MBNL1: variants seen among roughly 807,000 people sequenced by gnomAD.
MBNL1 encodes muscleblind-like protein 1.
MBNL1 carries 8 observed loss-of-function variants against 42.2 expected under a neutral mutation model. The ratio of observed to expected loss-of-function variants is 0.19; its 90% CI spans 0.11 to 0.34. MBNL1 has a LOEUF of 0.34. MBNL1 is among the 10% of genes least tolerant of loss of function. MBNL1 has a pLI of 1.00. For synonymous variants in MBNL1, 169 were observed against 173.9 expected (o/e 0.97, Z 0.22); for missense variants, 309 against 495.3 (o/e 0.62, Z 3.57).
intron 2 of MBNL1, among the ~76,000 whole-genome samples, chr3:152,391,637 G>C (rs2097720262): frequency 6.6e-6 from 1 of 152,158 alleles, no homozygotes; most frequent in Non-Finnish European, 1.5e-5. Context: ...TCTGCATTTA[G>C]CTCCTGCCTG....
chr3:152,428,706 T>C (rs1303440027), intron 3 of MBNL1, among the ~76,000 whole-genome samples: 1 of 151,968 alleles, frequency 6.6e-6, no homozygotes, highest in Non-Finnish European at 1.5e-5. Flanking sequence ...ATACTGCCAC[T>C]TACCAGAGAT....
chr3:152,303,470 A>G (rs1478951378), intron 2 of MBNL1, among the ~76,000 whole-genome samples: 3 of 152,202 alleles, frequency 2.0e-5, no homozygotes, highest in Non-Finnish European at 1.5e-5. Context: ...TATTTCAGAA[A>G]TCCAGAACAT....
intron 2 of MBNL1, among the ~76,000 whole-genome samples, chr3:152,358,129 A>G (rs1431582929): frequency 1.3e-5 from 2 of 152,234 alleles, no homozygotes; most frequent in Admixed American, 1.3e-4. Context: ...TTTACACACT[A>G]CATCAGTGAG....
chr3:152,416,356 T>C (rs75047534), intron 3 of MBNL1, among the ~76,000 whole-genome samples: 10,841 of 152,302 alleles, frequency 0.071, 510 homozygotes, highest in Middle Eastern at 0.16. Flanking sequence ...GTTAAAAATG[T>C]GATAGCTTAA....
At chr3:152,419,887 C>T (rs893085681) in intron 3 of MBNL1, among the ~76,000 whole-genome samples, 8 of 152,022 alleles carry the variant, frequency 5.3e-5, no homozygotes, top group East Asian at 3.9e-4. Context: ...CTGCCAGCAC[C>T]GCAGTCAACC....
chr3:152,449,643 T>C (rs1400765543), intron 6 of MBNL1, among the ~76,000 whole-genome samples: 1 of 152,182 alleles, frequency 6.6e-6, no homozygotes. Flanking sequence ...TTAGGGAAAA[T>C]AATAAACTCA....
At chr3:152,269,574 A>G (rs1559955761) in intron 1 of MBNL1, 1 of 450,678 alleles carries the variant, frequency 2.2e-6, no homozygotes, top group South Asian at 1.6e-5. Context: ...GCAAAGGTTA[A>G]TTCTCTGCTT....
At chr3:152,286,463 TA>T (rs1199059277) in intron 1 of MBNL1, among the ~76,000 whole-genome samples, 309 of 139,268 alleles carry the variant, frequency 2.2e-3, no homozygotes, top group Non-Finnish European at 3.6e-3. Context: ...AATATAAATA[TA>T]TTTTATTTAT....
chr3:152,349,121 A>T (rs970205207), intron 2 of MBNL1, among the ~76,000 whole-genome samples: 1 of 152,076 alleles, frequency 6.6e-6, no homozygotes, highest in Non-Finnish European at 1.5e-5. Context: ...CTGGCTATCA[A>T]GACCTCTCCT....
intron 2 of MBNL1, among the ~76,000 whole-genome samples, chr3:152,315,210 C>G (rs1400866802): frequency 6.6e-6 from 1 of 152,106 alleles, no homozygotes; most frequent in Non-Finnish European, 1.5e-5. Flanking sequence ...TTCGCAGTTG[C>G]CAAAAATGGT....
intron 4 of MBNL1, among the ~76,000 whole-genome samples, chr3:152,435,037 G>GA (rs2099059891): frequency 1.3e-5 from 2 of 151,406 alleles, no homozygotes; most frequent in African/African-American, 4.8e-5. Context: ...AAGCTCTTTA[G>GA]TTTAATTAGA....
chr3:152,277,645 G>T (rs2046043720), intron 1 of MBNL1, among the ~76,000 whole-genome samples: 1 of 152,076 alleles, frequency 6.6e-6, no homozygotes, highest in Non-Finnish European at 1.5e-5. Flanking sequence ...AAATAGAATA[G>T]AAAGCTTTAT....
intron 2 of MBNL1, among the ~76,000 whole-genome samples, chr3:152,373,744 C>T (rs2153276391): frequency 6.6e-6 from 1 of 152,298 alleles, no homozygotes; most frequent in South Asian, 2.1e-4. Context: ...CAGACCTGAG[C>T]TGTTCCTGTT....
intron 2 of MBNL1, among the ~76,000 whole-genome samples, chr3:152,317,156 C>T (rs147141057): frequency 0.014 from 2,095 of 152,190 alleles, 37 homozygotes; most frequent in Non-Finnish European, 0.023. Context: ...TACAGATCTT[C>T]CATTCTGCTT....
At chr3:152,316,717 T>G (rs918745633) in intron 2 of MBNL1, among the ~76,000 whole-genome samples, 2 of 152,126 alleles carry the variant, frequency 1.3e-5, no homozygotes, top group Admixed American at 1.3e-4. Flanking sequence ...TCTGGGAACA[T>G]AGTATTTTTG....
intron 1 of MBNL1, among the ~76,000 whole-genome samples, chr3:152,286,437 T>TTTAA (rs1402875203): frequency 2.9e-5 from 2 of 68,022 alleles, no homozygotes; most frequent in East Asian, 6.0e-4. Context: ...AATATAAATA[T>TTTAA]TTATATTTTA....
At chr3:152,305,118 G>A (rs2062395838) in intron 2 of MBNL1, among the ~76,000 whole-genome samples, 1 of 152,136 alleles carries the variant, frequency 6.6e-6, no homozygotes, top group African/African-American at 2.4e-5. Context: ...CAGTTTCATT[G>A]TAATTCAGAT....
intron 2 of MBNL1, among the ~76,000 whole-genome samples, chr3:152,389,257 T>C (rs1273762318): frequency 6.6e-6 from 1 of 151,976 alleles, no homozygotes; most frequent in South Asian, 2.1e-4. Context: ...CCCGGCTAAT[T>C]TTTGTATTTT....
chr3:152,326,461 C>A (rs1298017895), intron 2 of MBNL1, among the ~76,000 whole-genome samples: 1 of 152,156 alleles, frequency 6.6e-6, no homozygotes, highest in Non-Finnish European at 1.5e-5. Context: ...AGTTCTCCAT[C>A]AGACTTGGAT....
Sources: gnomAD v4.1 joint callset for allele counts (sites outside exome capture counted in the v4.1 genomes callset) on GRCh38, gnomAD v4.1.1 for gene constraint, MANE v1.5 for transcripts, NCBI Gene and HGNC (gene_info 2026-07-23, HGNC 2026-07-21) for gene names.